Variants in SLC22A25 observed in about 807,000 individuals in gnomAD.
SLC22A25 encodes the protein solute carrier family 22 member 25.
SLC22A25 carries 44 observed loss-of-function variants against 45.9 expected under a neutral mutation model. The ratio of observed to expected loss-of-function variants is 0.96; its 90% CI spans 0.75 to 1.23. SLC22A25 has a LOEUF of 1.23. Among genes scored for constraint, SLC22A25 ranks in the 50% most tolerant of loss-of-function variants. The pLI, the probability that SLC22A25 is intolerant of heterozygous loss-of-function variation, is 0.00. For synonymous variants in SLC22A25, 283 were observed against 238.6 expected, an observed-to-expected ratio of 1.19 and a Z score of -1.72; for missense variants, 800 against 666.4, an observed-to-expected ratio of 1.20 and a Z score of -2.21.
intron 7 of SLC22A25, among the ~76,000 whole-genome samples, chr11:63,200,514 AG>A (rs902334868): frequency 3.3e-5 from 5 of 152,044 alleles, no homozygotes; most frequent in African/African-American, 1.2e-4. Flanking sequence ...ACCTCAAAAT[AG>A]TAAGTGCCAT....
intron 3 of SLC22A25, among the ~76,000 whole-genome samples, chr11:63,232,065 G>A (rs569138171): frequency 6.6e-4 from 101 of 152,220 alleles, no homozygotes; most frequent in African/African-American, 2.2e-3. Context: ...GTCAGGTAGC[G>A]TGATGCTTCC....
rs2087539759 is a variant in SLC22A25 at position 63,161,994 on chromosome 11, T to C, written c.*1830A>G. Among the ~76,000 whole-genome samples the C allele has an allele frequency of 6.6e-6, 1 of 152,332 alleles. No homozygotes were observed. Among genetic ancestry groups the C allele is most frequent in the South Asian group, 2.1e-4 (1 of 4,828 alleles). On this transcript the variant is annotated 3_prime_UTR_variant, in exon 12 of 12. Coordinates refer to ENST00000306494, the MANE Select transcript of SLC22A25 (RefSeq NM_199352.6). The stretch of plus-strand genomic sequence containing the variant: ...GAGGTAAGATGAGATCTCATTGTAG[T>C]TTTGATTTGCATTTCTCTGAGGATC...
chr11:63,174,040 A>T (rs1028381243), intron 9 of SLC22A25, among the ~76,000 whole-genome samples: 1 of 151,580 alleles, frequency 6.6e-6, no homozygotes, highest in Non-Finnish European at 1.5e-5. Flanking sequence ...TCCTAATGTT[A>T]TCCCTCCCCT....
intron 1 of SLC22A25, among the ~76,000 whole-genome samples, chr11:63,241,428 C>T (rs986526954): frequency 6.6e-6 from 1 of 152,148 alleles, no homozygotes; most frequent in Non-Finnish European, 1.5e-5. Flanking sequence ...AAGACCTTCA[C>T]ACCTCATGCC....
In SLC22A25 at chr11:63,229,241, G is replaced by T; in HGVS notation, c.402+10C>A. 4 of 1,503,286 alleles carry T rather than the reference G, an allele frequency of 2.7e-6. No individual in the cohort carries two copies. Among genetic ancestry groups the T allele is most frequent in the Non-Finnish European group, 3.6e-6 (4 of 1,124,398 alleles). The allele number at this position is 1,503,286 out of a possible 1,614,324, so 93.1% of individuals were successfully genotyped here. Reference sequence around the variant, plus strand: ...TCATGTACACAAGAGAGGAAAATGAGGCCTCTTACCTTAGTCACAATGGTG... The same window carrying T: ...TCATGTACACAAGAGAGGAAAATGATGCCTCTTACCTTAGTCACAATGGTG... On this transcript the variant is annotated intron_variant, in intron 4 of 11. Coordinates refer to ENST00000306494, the MANE Select transcript of SLC22A25 (RefSeq NM_199352.6).
At chr11:63,182,807 G>A (rs185801175) in intron 8 of SLC22A25, among the ~76,000 whole-genome samples, 5 of 152,194 alleles carry the variant, frequency 3.3e-5, no homozygotes, top group Admixed American at 2.0e-4. Flanking sequence ...CTTAAGAGAT[G>A]TTTTATTCAT....
In SLC22A25 at chr11:63,161,411, C is replaced by T. The variant is rs1408918014; in HGVS notation, c.*2413G>A. 6.6e-6 allele frequency among the ~76,000 whole-genome samples: 1 copy of T among 151,958 alleles called. No individual in the cohort carries two copies. Among genetic ancestry groups the T allele is most frequent in the Non-Finnish European group, 1.5e-5 (1 of 67,934 alleles). ...GTGAGGACATGAGATTTGGGAGGGG[C>T]CAGGGGCAGAATGATATGGTTTGAC... is the stretch of plus-strand genomic sequence containing the variant. On this transcript the variant is annotated 3_prime_UTR_variant, in exon 12 of 12. Transcript: ENST00000306494.
intron 10 of SLC22A25, among the ~76,000 whole-genome samples, chr11:63,165,124 C>T (rs1241876287): frequency 6.6e-6 from 1 of 152,108 alleles, no homozygotes; most frequent in Non-Finnish European, 1.5e-5. Context: ...TGTTAAAGGA[C>T]AGATTGGACA....
At chr11:63,189,599 G>A (rs1011293949) in intron 7 of SLC22A25, among the ~76,000 whole-genome samples, 4 of 152,090 alleles carry the variant, frequency 2.6e-5, no homozygotes, top group African/African-American at 9.7e-5. Context: ...GATGTTAGCT[G>A]GTTATTTTGC....
rs554987824 is a variant in SLC22A25, at chr11:63,233,270, T to C, written c.-444-3174A>G. Among the ~76,000 whole-genome samples, 14 of 152,282 alleles carry C rather than the reference T, an allele frequency of 9.2e-5. No individual in the cohort carries two copies. In the South Asian group the frequency reaches 2.7e-3, roughly 29 times the overall value. On this transcript the variant is annotated intron_variant, in intron 3 of 11. Coordinates refer to ENST00000306494, the MANE Select transcript of SLC22A25 (RefSeq NM_199352.6). ...CTGTGAACCCATCTGGTCCTGGACT[T>C]ATTTTGGTTGGTAAGCTATAAATTA...
Position 63,166,238 on chromosome 11 carries a change from A to AGT in SLC22A25, c.1090_1091insAC (p.Phe364TyrfsTer38). ...CTGGAGGTGCAAAGTAAGGCCCCAAAAAGGGATGGTACTTGCAAATCTGCA... is the reference window on the plus strand; with the variant it reads ...CTGGAGGTGCAAAGTAAGGCCCCAAAGTAAGGGATGGTACTTGCAAATCTGCA... On this transcript the variant is annotated frameshift_variant, in exon 10 of 12. Transcript: ENST00000306494. LOFTEE classifies it high-confidence loss of function. 6.2e-7 allele frequency: 1 copy of AGT among 1,613,948 alleles called. No individual in the cohort carries two copies. Among genetic ancestry groups the AGT allele is most frequent in the Non-Finnish European group, 8.5e-7 (1 of 1,179,900 alleles).
intron 5 of SLC22A25, among the ~76,000 whole-genome samples, chr11:63,225,735 C>G (rs1406305945): frequency 1.3e-5 from 2 of 152,178 alleles, no homozygotes; most frequent in African/African-American, 4.8e-5. Context: ...TTGTCTCTCT[C>G]TCTGCCTTCT....
chr11:63,228,666 C>G, intron 4 of SLC22A25, 102 bp from the exon 5 acceptor site: 4 of 820,022 alleles, frequency 4.9e-6, no homozygotes, highest in Non-Finnish European at 7.7e-6. Context: ...ATCTTCCTCC[C>G]TAGCTTCCCT....
chr11:63,168,796 A>T (rs1346180463), intron 9 of SLC22A25, among the ~76,000 whole-genome samples: 1 of 152,156 alleles, frequency 6.6e-6, no homozygotes, highest in African/African-American at 2.4e-5. Context: ...GCCAACATAC[A>T]ATTTCAGGAT....
chr11:63,186,799 G>A (rs1381782566), intron 7 of SLC22A25, among the ~76,000 whole-genome samples: 1 of 152,086 alleles, frequency 6.6e-6, no homozygotes, highest in Non-Finnish European at 1.5e-5. Context: ...TATTAAATAG[G>A]GAATCCTTTC....
chr11:63,165,824 C>CAAA (rs2087660437), intron 10 of SLC22A25, among the ~76,000 whole-genome samples: 1 of 152,186 alleles, frequency 6.6e-6, no homozygotes, highest in African/African-American at 2.4e-5. Context: ...CTCAAATGTG[C>CAAA]TGAAGACAAC....
intron 1 of SLC22A25, among the ~76,000 whole-genome samples, chr11:63,240,788 G>T (rs912804502): frequency 6.6e-6 from 1 of 152,148 alleles, no homozygotes; most frequent in Non-Finnish European, 1.5e-5. Context: ...GTCTTCTGGA[G>T]CAGTAACATG....
chr11:63,238,333 T>C (rs1358870116), intron 2 of SLC22A25, among the ~76,000 whole-genome samples: 4 of 152,230 alleles, frequency 2.6e-5, no homozygotes, highest in Non-Finnish European at 5.9e-5. Context: ...TGATTATCAC[T>C]GCAGACCTTC....
intron 1 of SLC22A25, among the ~76,000 whole-genome samples, chr11:63,240,512 A>C (rs1402307530): frequency 6.6e-6 from 1 of 152,204 alleles, no homozygotes; most frequent in Non-Finnish European, 1.5e-5. Context: ...GCTTACTGTA[A>C]TTTTGTAACT....
Sources: gnomAD v4.1 joint callset for allele counts (sites outside exome capture counted in the v4.1 genomes callset) on GRCh38, gnomAD v4.1.1 for gene constraint, MANE v1.5 for transcripts, NCBI Gene and HGNC (gene_info 2026-07-23, HGNC 2026-07-21) for gene names.